MGAT4A: variants seen among roughly 807,000 people sequenced by gnomAD.
MGAT4A encodes the protein alpha-1,3-mannosyl-glycoprotein 4-beta-N-acetylglucosaminyltransferase A, also known as N-acetylglucosaminyltransferase IVa.
MGAT4A carries 33 observed loss-of-function variants against 74.1 expected under a neutral mutation model. The observed-to-expected ratio is 0.45, with a 90% CI of 0.34 to 0.60. The LOEUF is 0.60. Among genes scored for constraint, MGAT4A ranks in the 20% least tolerant of loss-of-function variants. The pLI, the probability that MGAT4A is intolerant of heterozygous loss-of-function variation, is 0.02. For missense variants in MGAT4A, 479 were observed against 628.3 expected (o/e 0.76, Z 2.54); for synonymous variants, 198 against 210.4 (o/e 0.94, Z 0.51).
intron 2 of MGAT4A, among the ~76,000 whole-genome samples, chr2:98,703,982 T>G (rs115145997): frequency 2.0e-5 from 3 of 152,138 alleles, no homozygotes; most frequent in African/African-American, 4.8e-5. Flanking sequence ...TTGTCAGTAT[T>G]CATCCCTCTC....
intron 6 of MGAT4A, among the ~76,000 whole-genome samples, chr2:98,657,045 T>C (rs536421771): frequency 2.0e-5 from 3 of 152,310 alleles, no homozygotes. Context: ...GGGTAGACAT[T>C]AGGGATCCTG....
chr2:98,704,421 T>A (rs1321752703), intron 2 of MGAT4A, among the ~76,000 whole-genome samples: 1 of 151,752 alleles, frequency 6.6e-6, no homozygotes, highest in Non-Finnish European at 1.5e-5. Flanking sequence ...CTGGGCAACA[T>A]AGCATGGCCC....
chr2:98,697,617 A>T (rs1298762154), intron 2 of MGAT4A, among the ~76,000 whole-genome samples: 2 of 152,238 alleles, frequency 1.3e-5, no homozygotes, highest in African/African-American at 2.4e-5. Context: ...TGAAGTTTGC[A>T]CTGTATCTCT....
chr2:98,677,366 TTTTAATCTCATTTTGAATAA>T (rs1402317524), intron 3 of MGAT4A, among the ~76,000 whole-genome samples: 1 of 152,228 alleles, frequency 6.6e-6, no homozygotes, highest in Non-Finnish European at 1.5e-5. Flanking sequence ...AAAAATTAAA[TTTTAATCTCATTTTGAATAA>T]TTTAATCTCA....
At chr2:98,728,994 G>T (rs895995295) in intron 1 of MGAT4A, among the ~76,000 whole-genome samples, 23 of 152,090 alleles carry the variant, frequency 1.5e-4, no homozygotes, top group African/African-American at 5.3e-4. Context: ...ATTAGAGTAA[G>T]CACTCAATTC....
intron 2 of MGAT4A, among the ~76,000 whole-genome samples, chr2:98,693,172 G>T (rs1313889929): frequency 6.6e-6 from 1 of 152,010 alleles, no homozygotes; most frequent in Non-Finnish European, 1.5e-5. Flanking sequence ...TAAAAGAAAA[G>T]AAAAAGAACT....
At chr2:98,663,214 G>A in intron 4 of MGAT4A, 35 bp from the exon 5 acceptor site, 1 of 1,550,542 alleles carries the variant, frequency 6.4e-7, no homozygotes, top group South Asian at 1.2e-5. Flanking sequence ...TTAAAAAACT[G>A]TACAAGGACA....
intron 14 of MGAT4A, among the ~76,000 whole-genome samples, chr2:98,632,009 C>T (rs1701244706): frequency 6.6e-6 from 1 of 152,150 alleles, no homozygotes; most frequent in African/African-American, 2.4e-5. Context: ...ACTCGGGAGG[C>T]TGAGGCAGGA....
At chr2:98,669,857 T>G (rs976304275) in intron 4 of MGAT4A, among the ~76,000 whole-genome samples, 4 of 152,220 alleles carry the variant, frequency 2.6e-5, no homozygotes, top group Admixed American at 6.5e-5. Context: ...GGCTGAGCAC[T>G]GATAACTACA....
intron 14 of MGAT4A, among the ~76,000 whole-genome samples, chr2:98,627,939 T>A (rs543245096): frequency 9.9e-5 from 15 of 152,208 alleles, no homozygotes; most frequent in Non-Finnish European, 2.2e-4. Context: ...CACATTCAAA[T>A]CTTTTCTGCA....
intron 1 of MGAT4A, among the ~76,000 whole-genome samples, chr2:98,729,303 T>C (rs531625305): frequency 6.6e-6 from 1 of 152,332 alleles, no homozygotes; most frequent in African/African-American, 2.4e-5. Context: ...GTCATACATT[T>C]TTAATTAGGG....
At chr2:98,705,984 A>C (rs1452497235) in intron 2 of MGAT4A, among the ~76,000 whole-genome samples, 3 of 151,864 alleles carry the variant, frequency 2.0e-5, no homozygotes, top group Admixed American at 6.6e-5. Context: ...AAATCAACTA[A>C]CAATAAAATT....
intron 7 of MGAT4A, 100 bp from the exon 8 acceptor site, chr2:98,655,620 C>T: frequency 1.3e-6 from 1 of 745,800 alleles, no homozygotes; most frequent in African/African-American, 1.8e-5. Context: ...AACATGTCAT[C>T]TATGTATATG....
intron 2 of MGAT4A, among the ~76,000 whole-genome samples, chr2:98,697,278 A>G (rs1354779419): frequency 6.6e-6 from 1 of 152,228 alleles, no homozygotes; most frequent in Non-Finnish European, 1.5e-5. Flanking sequence ...GGCGTCACGC[A>G]GAATAAAAAA....
At chr2:98,728,114 A>G (rs1702791734) in intron 1 of MGAT4A, among the ~76,000 whole-genome samples, 2 of 152,240 alleles carry the variant, frequency 1.3e-5, no homozygotes, top group Non-Finnish European at 2.9e-5. Flanking sequence ...AATAAATTAT[A>G]TAACACACAC....
intron 2 of MGAT4A, among the ~76,000 whole-genome samples, chr2:98,704,991 A>G (rs1457911941): frequency 6.6e-6 from 1 of 152,188 alleles, no homozygotes; most frequent in Admixed American, 6.5e-5. Flanking sequence ...GGCAGGTGAC[A>G]GGAGGACATC....
At position 98,621,720 on chromosome 2, in the gene MGAT4A, C is replaced by A. The variant is rs904930269; in HGVS notation, c.*3846G>T. On this transcript the variant is annotated 3_prime_UTR_variant, in exon 16 of 16. Transcript: ENST00000393487. ...TATTCACTAGAATAATCTCTCCAAA[C>A]GTGCTGTTTCCACATAACCAGTCTT... 4.7e-5 allele frequency: 60 copies of A among 1,273,740 alleles called. No homozygotes were observed. The highest frequency in any genetic ancestry group is 5.9e-5 in the Non-Finnish European group (59 of 1,008,494). The allele number at this position is 1,273,740 out of a possible 1,614,324, so 78.9% of individuals were successfully genotyped here.
chr2:98,727,332 T>C (rs1388567764), intron 1 of MGAT4A, among the ~76,000 whole-genome samples: 3 of 152,148 alleles, frequency 2.0e-5, no homozygotes, highest in Non-Finnish European at 4.4e-5. Context: ...TCACCACTGA[T>C]CGAACAAAGC....
chr2:98,647,472 C>T (rs563781187), intron 8 of MGAT4A, among the ~76,000 whole-genome samples: 11 of 152,212 alleles, frequency 7.2e-5, no homozygotes, highest in Admixed American at 2.6e-4. Flanking sequence ...CACGCCACCA[C>T]GCCTAGCTAA....
Sources: allele counts gnomAD v4.1 joint callset (sites outside exome capture counted in the v4.1 genomes callset), GRCh38; gene constraint gnomAD v4.1.1; transcripts MANE v1.5; gene names NCBI Gene and HGNC (gene_info 2026-07-23, HGNC 2026-07-21).